Variants in RIPOR3 observed in about 807,000 individuals in gnomAD.
The protein encoded by RIPOR3 is RIPOR family member 3.
A neutral mutation model predicts 114.3 loss-of-function variants in RIPOR3; 95 were observed. That is an observed-to-expected ratio of 0.83 (90% confidence interval 0.70 to 0.99). The LOEUF is 0.99. Among genes scored for constraint, RIPOR3 ranks in the 50% least tolerant of loss-of-function variants. RIPOR3 has a pLI of 0.00. For missense variants in RIPOR3, 1,252 were observed against 1,266.9 expected, an observed-to-expected ratio of 0.99 and a Z score of 0.18; for synonymous variants, 575 against 543.8, an observed-to-expected ratio of 1.06 and a Z score of -0.80.
rs531219183 is a variant in RIPOR3 at position 50,614,023 on chromosome 20, TTTCATTCATTCA to T, written c.348+1967_348+1978del. Among the ~76,000 whole-genome samples, 5 of 152,052 alleles carry T rather than the reference TTTCATTCATTCA, an allele frequency of 3.3e-5. No homozygotes were observed. The South Asian group carries it at 6.3e-4, about 19-fold the overall frequency. On this transcript the variant is annotated intron_variant, in intron 4 of 21. Coordinates refer to ENST00000327979, the MANE Select transcript of RIPOR3 (RefSeq NM_001290268.2). ...AGACGGCCGCTTGTTTGCTTGCTTA[TTTCATTCATTCA>T]TTCATTCATTCATTCATTGAAACAG...
At chr20:50,614,131 G>T (rs1040432045) in intron 4 of RIPOR3, among the ~76,000 whole-genome samples, 1 of 152,156 alleles carries the variant, frequency 6.6e-6, no homozygotes, top group African/African-American at 2.4e-5. Flanking sequence ...CGCCTCCTGG[G>T]TTCAAGCTAT....
In RIPOR3 at chr20:50,604,662, G is replaced by A. The variant is rs369483118; in HGVS notation, c.1069C>T (p.Arg357Trp). 3.4e-4 allele frequency: 547 copies of A among 1,607,600 alleles called. 3 individuals are homozygous for A. The highest frequency in any genetic ancestry group is 3.3e-3 in the South Asian group (295 of 90,586). ...TCACTCACCAGGTAGTATCTCTCCC[G>A]GAAGCTGGGGGTGCTCGGGGGTGTC... is the stretch of plus-strand genomic sequence containing the variant. ...NWTPPSTPSF[R>W]ERYYLSVLQQ... is the part of the protein sequence containing the mutation. Residue 357 changes from arginine (R) to tryptophan (W), a missense_variant, in exon 12 of 22, where the codon CGG becomes TGG. Physicochemically the swap from Arg to Trp is moderately radical, Grantham distance 101. Transcript: ENST00000327979.
At chr20:50,662,961 T>C (rs1026885114) in intron 1 of RIPOR3, among the ~76,000 whole-genome samples, 1 of 152,008 alleles carries the variant, frequency 6.6e-6, no homozygotes, top group Non-Finnish European at 1.5e-5. Flanking sequence ...CAGATTGTCA[T>C]AGCGCATGCC....
At chr20:50,662,715 AC>A (rs1473329281) in intron 1 of RIPOR3, among the ~76,000 whole-genome samples, 1 of 39,836 alleles carries the variant, frequency 2.5e-5, no homozygotes, top group Non-Finnish European at 4.9e-5. Context: ...TCCTGGCCCC[AC>A]CACTCTCTGG....
At chr20:50,641,860 A>G (rs1485468953) in intron 1 of RIPOR3, among the ~76,000 whole-genome samples, 1 of 152,178 alleles carries the variant, frequency 6.6e-6, no homozygotes, top group Non-Finnish European at 1.5e-5. Flanking sequence ...CTTGACCTTC[A>G]GCCTCTTACT....
intron 15 of RIPOR3, among the ~76,000 whole-genome samples, chr20:50,595,873 C>T (rs1454778959): frequency 6.6e-6 from 1 of 152,186 alleles, no homozygotes; most frequent in African/African-American, 2.4e-5. Flanking sequence ...TTGGCTGAGC[C>T]AGTTTGCATT....
chr20:50,672,077 G>C (rs2086530094), intron 1 of RIPOR3, among the ~76,000 whole-genome samples: 1 of 152,138 alleles, frequency 6.6e-6, no homozygotes. Context: ...TGGATAGATG[G>C]AACCACTGGC....
chr20:50,601,326 C>T (rs1334901587), intron 13 of RIPOR3, among the ~76,000 whole-genome samples: 4 of 152,082 alleles, frequency 2.6e-5, no homozygotes, highest in African/African-American at 4.8e-5. Flanking sequence ...CCCAGCTACT[C>T]GGGACGCTGA....
In RIPOR3 at chr20:50,595,449, A is replaced by T; in HGVS notation, c.1970T>A (p.Val657Glu). 1 of 1,614,116 alleles carries T rather than the reference A, an allele frequency of 6.2e-7. No homozygotes were observed. The change falls in exon 16 of 22, where the codon GTG (valine) becomes GAG (glutamate). Residue 657 changes from valine (V) to glutamate (E), a missense_variant. By Grantham distance (121) the Val-to-Glu change is moderately radical (BLOSUM62 -2). Transcript: ENST00000327979. ...RLVQECLLEE[V>E]AQQKHVLETL... is the part of the protein sequence containing the mutation. ...CTCCAGAACGTGCTTTTGCTGTGCC[A>T]CTTCTTCCAGGAGGCATTCCTGGAC... is the stretch of plus-strand genomic sequence containing the variant.
intron 11 of RIPOR3, among the ~76,000 whole-genome samples, chr20:50,606,092 G>A (rs1324048101): frequency 6.6e-6 from 1 of 152,250 alleles, no homozygotes; most frequent in Non-Finnish European, 1.5e-5. Context: ...TGTGATCCCA[G>A]CTACTTGAGA....
intron 19 of RIPOR3, chr20:50,590,066 A>G (rs1227288759): frequency 9.4e-6 from 3 of 318,962 alleles, no homozygotes; most frequent in Non-Finnish European, 1.9e-5. Flanking sequence ...AAAATGCTGA[A>G]TCAGAGAAAT....
intron 11 of RIPOR3, among the ~76,000 whole-genome samples, chr20:50,607,021 C>A (rs568182297): frequency 1.3e-5 from 2 of 152,220 alleles, no homozygotes; most frequent in Non-Finnish European, 2.9e-5. Flanking sequence ...TGAGCCACCG[C>A]GCCCAACCTG....
intron 2 of RIPOR3, chr20:50,621,083 C>CT (rs1174494922): frequency 2.6e-6 from 1 of 389,272 alleles, no homozygotes; most frequent in Non-Finnish European, 4.9e-6. Context: ...ACTGAGCCCC[C>CT]TCCCCTGCCC....
intron 1 of RIPOR3, among the ~76,000 whole-genome samples, chr20:50,640,426 G>C (rs1490905561): frequency 6.7e-6 from 1 of 148,242 alleles, no homozygotes; most frequent in East Asian, 2.0e-4. Context: ...CGGGTGAAGG[G>C]CTGCTTCCCC....
intron 1 of RIPOR3, among the ~76,000 whole-genome samples, chr20:50,667,088 C>T (rs2086273324): frequency 1.3e-5 from 2 of 151,934 alleles, no homozygotes; most frequent in South Asian, 4.1e-4. Context: ...CCTAGCTTGG[C>T]TAAATTTTCT....
chr20:50,613,856 G>A (rs978483430), intron 4 of RIPOR3, among the ~76,000 whole-genome samples: 17 of 152,188 alleles, frequency 1.1e-4, no homozygotes, highest in Non-Finnish European at 2.2e-4. Flanking sequence ...CTGGTCACCC[G>A]CCCAACTGTC....
Position 50,616,003 on chromosome 20 carries a change from A to C in RIPOR3, c.347T>G (p.Leu116Arg), listed in dbSNP as rs1428956134. The change falls in exon 4 of 22, where the codon CTG becomes CGG. Residue 116 changes from leucine to arginine, a missense_variant and splice_region_variant. Physicochemically the swap from Leu to Arg is moderately radical, Grantham distance 102. Coordinates refer to ENST00000327979, the MANE Select transcript of RIPOR3 (RefSeq NM_001290268.2). ...GAAGCAGGCAGGGAGGGGTCTCACC[A>C]GCCTGGAATTCCTCCTGGTGTCTTT... is the stretch of plus-strand genomic sequence containing the variant. ...RHKDTRRNSR[L>R]AFYYDLDKQT... 1 of 1,606,666 alleles carries C rather than the reference A, an allele frequency of 6.2e-7. No individual in the cohort carries two copies. Among genetic ancestry groups the C allele is most frequent in the Non-Finnish European group, 8.5e-7 (1 of 1,176,792 alleles).
chr20:50,615,263 C>A (rs62202773), intron 4 of RIPOR3, among the ~76,000 whole-genome samples: 1 of 151,874 alleles, frequency 6.6e-6, no homozygotes, highest in Non-Finnish European at 1.5e-5. Flanking sequence ...GTGCCTCACA[C>A]CTGTAATCCC....
At chr20:50,620,950 C>A in intron 2 of RIPOR3, 1 of 526,958 alleles carries the variant, frequency 1.9e-6, no homozygotes, top group Non-Finnish European at 3.7e-6. Flanking sequence ...TGAAGGTCTC[C>A]AAGGACAAAC....
Sources: allele counts gnomAD v4.1 joint callset (sites outside exome capture counted in the v4.1 genomes callset), GRCh38; gene constraint gnomAD v4.1.1; transcripts MANE v1.5; gene names NCBI Gene and HGNC (gene_info 2026-07-23, HGNC 2026-07-21).